The following IGHMBP2 variants were observed in gnomAD, a reference collection of about 807,000 sequenced individuals.
IGHMBP2 encodes the protein DNA-binding protein SMUBP-2.
In IGHMBP2, 81 loss-of-function variants were observed where a neutral mutation model predicts 96.0. That is an observed-to-expected ratio of 0.84 (90% CI 0.71 to 1.01). The LOEUF is 1.01. IGHMBP2 is among the 50% of genes least tolerant of loss of function. The pLI, the probability that IGHMBP2 is intolerant of heterozygous loss-of-function variation, is 0.00. For missense variants in IGHMBP2, 1,227 were observed against 1,306.3 expected (o/e 0.94, Z 0.94); for synonymous variants, 557 against 548.9 (o/e 1.01, Z -0.21).
intron 7 of IGHMBP2, 30 bp from the exon 8 acceptor site, chr11:68,929,153 T>G: frequency 1.2e-6 from 2 of 1,606,720 alleles, no homozygotes; most frequent in Non-Finnish European, 1.7e-6. Context: ...GCTGTGCCCC[T>G]GGAGACTCCC....
intron 10 of IGHMBP2, 32 bp from the exon 11 acceptor site, chr11:68,934,432 G>C (rs1252731256): frequency 3.9e-6 from 6 of 1,531,586 alleles, no homozygotes; most frequent in Non-Finnish European, 5.4e-6. Flanking sequence ...GGGCGACCTT[G>C]TGCTGCTCAC....
At chr11:68,918,281 C>T (rs1243912569) in intron 7 of IGHMBP2, among the ~76,000 whole-genome samples, 4 of 150,934 alleles carry the variant, frequency 2.7e-5, no homozygotes, top group African/African-American at 9.7e-5. Context: ...TTTTTTCCTG[C>T]TCTTCTGGCT....
chr11:68,911,727 T>C (rs987337316), intron 5 of IGHMBP2, 124 bp downstream of exon 5: 26 of 920,194 alleles, frequency 2.8e-5, no homozygotes, highest in Non-Finnish European at 4.0e-5. Context: ...TACTGAGCAT[T>C]TATTGATTGA....
At chr11:68,913,697 T>A (rs1858535449) in intron 5 of IGHMBP2, among the ~76,000 whole-genome samples, 1 of 151,994 alleles carries the variant, frequency 6.6e-6, no homozygotes, top group Non-Finnish European at 1.5e-5. Context: ...GGGGGGAGGA[T>A]CACTTGAACC....
At chr11:68,912,512 GAGT>G (rs983137400) in intron 5 of IGHMBP2, among the ~76,000 whole-genome samples, 56 of 69,622 alleles carry the variant, frequency 8.0e-4, no homozygotes, top group Non-Finnish European at 1.7e-3. Context: ...GGCACATGGA[GAGT>G]TTTTTTTTTT....
intron 9 of IGHMBP2, 107 bp downstream of exon 9, chr11:68,933,588 C>A: frequency 2.9e-6 from 4 of 1,383,028 alleles, no homozygotes; most frequent in South Asian, 2.5e-5. Context: ...GCATGAAAGT[C>A]GACTCTGAGG....
At chr11:68,914,318 A>C (rs1439591768) in intron 5 of IGHMBP2, among the ~76,000 whole-genome samples, 3 of 152,122 alleles carry the variant, frequency 2.0e-5, no homozygotes, top group Non-Finnish European at 4.4e-5. Context: ...AGAAAGAAAA[A>C]TATAGTGGAG....
At chr11:68,934,866 C>T (rs1406292743) in intron 11 of IGHMBP2, among the ~76,000 whole-genome samples, 2 of 152,228 alleles carry the variant, frequency 1.3e-5, no homozygotes, top group South Asian at 2.1e-4. Context: ...GCAGCCCTGG[C>T]GGAACAGCCT....
chr11:68,936,760 A>C lies in IGHMBP2; in HGVS notation c.2280A>C (p.Gln760His), dbSNP rs1280482095. 6.2e-7 allele frequency: 1 copy of C among 1,613,974 alleles called. No homozygotes were observed. The highest frequency in any genetic ancestry group is 2.2e-5 in the East Asian group (1 of 44,882). Residue 760 changes from glutamine to histidine, a missense_variant, in exon 13 of 15, where the codon CAA becomes CAC. Coordinates refer to ENST00000255078, the MANE Select transcript of IGHMBP2 (RefSeq NM_002180.3). ...CCCACGACAGGCTGCGGGTCCACCA[A>C]ATAGCCGAGGAGCACGGGCTGAGGC... The part of the protein sequence containing the change: ...LNSHDRLRVH[Q>H]IAEEHGLRHD...
Position 68,939,456 on chromosome 11 carries a change from A to T in IGHMBP2, c.2785-78A>T. On this transcript the variant is annotated intron_variant, in intron 14 of 14. Coordinates refer to ENST00000255078, the MANE Select transcript of IGHMBP2 (RefSeq NM_002180.3). ...TCTGTTGGGGCGCCTGTGGCCCCCC[A>T]GCTCTTTGATAGGCAGAGCTGCAGG... 3 of 1,512,652 alleles carry T rather than the reference A, an allele frequency of 2.0e-6. No individual in the cohort carries two copies. In the South Asian group the frequency reaches 3.4e-5, roughly 17 times the overall value. The allele number at this position is 1,512,652 out of a possible 1,614,324, so 93.7% of individuals were successfully genotyped here.
At chr11:68,913,284 T>C (rs897268317) in intron 5 of IGHMBP2, among the ~76,000 whole-genome samples, 4 of 152,130 alleles carry the variant, frequency 2.6e-5, no homozygotes, top group African/African-American at 4.8e-5. Flanking sequence ...GTGGTTTTAA[T>C]TGGGTGCCGA....
chr11:68,913,043 CAAAAAAAAAAAA>C (rs71043469), intron 5 of IGHMBP2, among the ~76,000 whole-genome samples: 3 of 37,470 alleles, frequency 8.0e-5, no homozygotes, highest in South Asian at 1.8e-3. Flanking sequence ...ACTCCATCTC[CAAAAAAAAAAAA>C]AAAAAAAAAA....
Position 68,939,790 on chromosome 11 carries a change from A to C in IGHMBP2, c.*59A>C, listed in dbSNP as rs1037796289. 5 of 1,521,626 alleles carry C rather than the reference A, an allele frequency of 3.3e-6. No individual in the cohort carries two copies. The African/African-American group carries it at 6.8e-5, about 21-fold the overall frequency. The allele number at this position is 1,521,626 out of a possible 1,614,324, so 94.3% of individuals were successfully genotyped here. A position where few individuals can be genotyped will look rare whatever the true frequency, so the allele number is the denominator to read the frequency against. On this transcript the variant is annotated 3_prime_UTR_variant, in exon 15 of 15. Transcript: ENST00000255078. ...CTCCATGGTAGCCCAGGGCGCTGGC[A>C]GACCATGCTCCGCCTCCACCAGGGC...
At chr11:68,925,320 T>C (rs1206658387) in intron 7 of IGHMBP2, among the ~76,000 whole-genome samples, 1 of 151,912 alleles carries the variant, frequency 6.6e-6, no homozygotes, top group Non-Finnish European at 1.5e-5. Flanking sequence ...TAATTTTTTT[T>C]GTATATTTTG....
intron 8 of IGHMBP2, among the ~76,000 whole-genome samples, chr11:68,931,703 C>T (rs1421185775): frequency 6.6e-6 from 1 of 152,154 alleles, no homozygotes; most frequent in East Asian, 1.9e-4. Context: ...TCAGAACCTC[C>T]CTGGGAGCAG....
chr11:68,915,005 G>C lies in IGHMBP2; in HGVS notation c.894G>C (p.Lys298Asn), dbSNP rs536156719. Residue 298 changes from lysine to asparagine, a missense_variant, in exon 6 of 15, where the codon AAG becomes AAC. Lys to Asn is a moderately conservative substitution (Grantham distance 94). Coordinates refer to ENST00000255078, the MANE Select transcript of IGHMBP2 (RefSeq NM_002180.3). ...DSAQIVADIR[K>N]DIDQVFVKNK... ...CCCAGATTGTTGCAGATATCAGGAA[G>C]GACATCGACCAGGTCTTTGTAGGTG... The C allele has an allele frequency of 1.1e-5, 18 of 1,614,066 alleles. No individual in the cohort carries two copies. In the African/African-American group the frequency reaches 2.4e-4, roughly 22 times the overall value.
At chr11:68,913,066 A>T (rs1175308143) in intron 5 of IGHMBP2, among the ~76,000 whole-genome samples, 1 of 150,650 alleles carries the variant, frequency 6.6e-6, no homozygotes, top group Admixed American at 6.6e-5. Flanking sequence ...AAAAAAAAAA[A>T]AACCAAAAAA....
chr11:68,928,215 T>C (rs1224233125), intron 7 of IGHMBP2, among the ~76,000 whole-genome samples: 1 of 152,200 alleles, frequency 6.6e-6, no homozygotes, highest in Non-Finnish European at 1.5e-5. Flanking sequence ...CTTTGTGGCC[T>C]TTCTGTTCCC....
intron 7 of IGHMBP2, among the ~76,000 whole-genome samples, chr11:68,922,403 T>A (rs1048428404): frequency 6.6e-6 from 1 of 152,060 alleles, no homozygotes; most frequent in Non-Finnish European, 1.5e-5. Flanking sequence ...ATTTGCTTCA[T>A]GTTTTTTTTT....
Sources: allele counts gnomAD v4.1 joint callset (sites outside exome capture counted in the v4.1 genomes callset), GRCh38; gene constraint gnomAD v4.1.1; transcripts MANE v1.5; gene names NCBI Gene and HGNC (gene_info 2026-07-23, HGNC 2026-07-21).